COMMD1: variants seen among roughly 807,000 people sequenced by gnomAD.
The protein encoded by COMMD1 is copper metabolism domain containing 1.
In COMMD1, 10 loss-of-function variants were observed where a neutral mutation model predicts 17.2. The observed-to-expected ratio is 0.58, with a 90% confidence interval of 0.36 to 0.99. The LOEUF is 0.99. COMMD1 is among the 50% of genes least tolerant of loss of function. The pLI, the probability that COMMD1 is intolerant of heterozygous loss-of-function variation, is 0.01. For missense variants in COMMD1, 270 were observed against 231.8 expected (o/e 1.17, Z -1.07); for synonymous variants, 97 against 91.6 (o/e 1.06, Z -0.34).
rs111949212 is a variant in COMMD1 at position 61,971,687 on chromosome 2, G to A, written c.181-29014G>A. On this transcript the variant is annotated intron_variant, in intron 1 of 2. Transcript: ENST00000311832. ...GATCCTTTTGCCTTGGCCTCCCAAA[G>A]TGCTGGGATTACAGGCATGTGTCAC... Among the ~76,000 whole-genome samples, 4 of 152,216 alleles carry A rather than the reference G, an allele frequency of 2.6e-5. 1 individual carries two copies. The highest frequency in any genetic ancestry group is 9.6e-5 in the African/African-American group (4 of 41,556).
At chr2:61,950,307 CT>C (rs1192489045) in intron 1 of COMMD1, among the ~76,000 whole-genome samples, 1 of 152,222 alleles carries the variant, frequency 6.6e-6, no homozygotes, top group Non-Finnish European at 1.5e-5. Flanking sequence ...GGGAGGAAAA[CT>C]TTCCCTCCTC....
chr2:61,962,872 A>G lies in COMMD1; in HGVS notation c.181-37829A>G, dbSNP rs530787692. Among the ~76,000 whole-genome samples the G allele has an allele frequency of 7.7e-4, 117 of 152,090 alleles. 1 individual carries two copies. The highest frequency in any genetic ancestry group is 1.8e-4 in the Non-Finnish European group (12 of 68,000). On this transcript the variant is annotated intron_variant, in intron 1 of 2. Transcript: ENST00000311832. Reference sequence around the variant, plus strand: ...ATGTCCTTTTTGCTATAATCAAACTATAATTGGGCCGGGTGTGGTAGCTCA... The same window carrying G: ...ATGTCCTTTTTGCTATAATCAAACTGTAATTGGGCCGGGTGTGGTAGCTCA...
Position 61,928,647 on chromosome 2 carries a change from G to A in COMMD1, c.180+22789G>A, listed in dbSNP as rs901447847. On this transcript the variant is annotated intron_variant, in intron 1 of 2. Transcript: ENST00000311832. ...TAAGGGTGGTCAAGTGAAGCAGTGGGAATGGAGAAGGAACAAATAAATTTG... is the reference window on the plus strand; with the variant it reads ...TAAGGGTGGTCAAGTGAAGCAGTGGAAATGGAGAAGGAACAAATAAATTTG... 2.6e-5 allele frequency: 4 copies of A among 152,266 alleles called. No individual in the cohort carries two copies. In the East Asian group the frequency reaches 7.7e-4, roughly 29 times the overall value. The allele number at this position is 152,266 out of a possible 1,614,324, so 9.4% of individuals were successfully genotyped here. A position where few individuals can be genotyped will look rare whatever the true frequency, so the allele number is the denominator to read the frequency against.
rs544836507 is a variant in COMMD1 at position 62,122,726 on chromosome 2, AATATCTATCTAGCTAAATT to A, written c.463-13102_463-13084del. ...TTTGACCACATATTGGCAGGACAGG[AATATCTATCTAGCTAAATT>A]ATGGCTCTAGCTTTTTTCTAACCAA... On this transcript the variant is annotated intron_variant, in intron 2 of 2. Coordinates refer to ENST00000311832, the MANE Select transcript of COMMD1 (RefSeq NM_152516.4). Among the ~76,000 whole-genome samples, 1,345 of 152,358 alleles carry A rather than the reference AATATCTATCTAGCTAAATT, an allele frequency of 8.8e-3. 24 individuals are homozygous for A. The highest frequency in any genetic ancestry group is 0.031 in the African/African-American group (1,304 of 41,588).
chr2:62,014,022 T>A (rs765457009), intron 2 of COMMD1, among the ~76,000 whole-genome samples: 7 of 152,228 alleles, frequency 4.6e-5, no homozygotes, highest in Non-Finnish European at 8.8e-5. Context: ...AAATCATTGT[T>A]TCTTATGATG....
At chr2:62,128,966 A>T (rs907333007) in intron 2 of COMMD1, among the ~76,000 whole-genome samples, 13 of 152,072 alleles carry the variant, frequency 8.5e-5, no homozygotes, top group African/African-American at 3.1e-4. Context: ...AAAAAAAAAA[A>T]AAATCAGTAT....
At chr2:62,013,733 C>G (rs567482679) in intron 2 of COMMD1, among the ~76,000 whole-genome samples, 32 of 152,236 alleles carry the variant, frequency 2.1e-4, no homozygotes, top group Admixed American at 5.9e-4. Context: ...GGGGGTAACA[C>G]CTTGTTTTTT....
chr2:62,020,234 TCAAA>T (rs1669575593), intron 2 of COMMD1, among the ~76,000 whole-genome samples: 1 of 152,348 alleles, frequency 6.6e-6, no homozygotes, highest in African/African-American at 2.4e-5. Context: ...ACATTCTTGT[TCAAA>T]CAGAGGGAAA....
chr2:61,976,831 A>ATT (rs776935788), intron 1 of COMMD1, among the ~76,000 whole-genome samples: 4 of 144,176 alleles, frequency 2.8e-5, no homozygotes, highest in Admixed American at 6.9e-5. Context: ...GTGATGTGGG[A>ATT]TTTTTTTTTT....
chr2:62,090,916 C>T (rs1057390931), intron 2 of COMMD1: 1 of 152,214 alleles, frequency 6.6e-6, no homozygotes, highest in African/African-American at 2.4e-5. Context: ...AGTTGGACAA[C>T]GGAGTACCTT....
chr2:62,004,087 C>T (rs1222107983), intron 2 of COMMD1, among the ~76,000 whole-genome samples: 1 of 151,974 alleles, frequency 6.6e-6, no homozygotes, highest in Non-Finnish European at 1.5e-5. Flanking sequence ...AAGATCGGAT[C>T]ACTTCACTTT....
intron 2 of COMMD1, among the ~76,000 whole-genome samples, chr2:62,013,318 G>A (rs1305673786): frequency 6.6e-6 from 1 of 151,886 alleles, no homozygotes; most frequent in Non-Finnish European, 1.5e-5. Context: ...CTCTTAATAA[G>A]ATGAGGTATT....
In COMMD1 at chr2:62,056,183, A is replaced by G. The variant is rs994279727; in HGVS notation, c.462+55201A>G. ...AGTCTATGTACTGTGTCATCCATAG[A>G]GAAAGGCTAGCTAGCTGAAAAATGT... On this transcript the variant is annotated intron_variant, in intron 2 of 2. Coordinates refer to ENST00000311832, the MANE Select transcript of COMMD1 (RefSeq NM_152516.4). Among the ~76,000 whole-genome samples, 12 of 152,204 alleles carry G rather than the reference A, an allele frequency of 7.9e-5. No homozygotes were observed. The East Asian group carries it at 1.2e-3, about 15-fold the overall frequency.
upstream of COMMD1, among the ~76,000 whole-genome samples, chr2:61,901,774 T>G (rs1035781929): frequency 1.3e-5 from 2 of 152,224 alleles, no homozygotes; most frequent in African/African-American, 4.8e-5. Context: ...AGATGTACAC[T>G]ATAACTATGT....
At chr2:62,054,589 G>A (rs1457733150) in intron 2 of COMMD1, among the ~76,000 whole-genome samples, 2 of 152,196 alleles carry the variant, frequency 1.3e-5, no homozygotes, top group African/African-American at 4.8e-5. Context: ...GTCATTAAGT[G>A]AAACAAGCCA....
At chr2:62,131,577 C>G (rs1673034406) in intron 2 of COMMD1, among the ~76,000 whole-genome samples, 1 of 152,050 alleles carries the variant, frequency 6.6e-6, no homozygotes, top group South Asian at 2.1e-4. Flanking sequence ...GGGTCTTACT[C>G]TATTGCCAAG....
chr2:61,980,746 T>G (rs1283459251), intron 1 of COMMD1, among the ~76,000 whole-genome samples: 3 of 151,372 alleles, frequency 2.0e-5, no homozygotes, highest in African/African-American at 4.9e-5. Context: ...AGAAGCTCTT[T>G]AGTTTAATTA....
chr2:62,108,975 C>T (rs1171944431), intron 2 of COMMD1, among the ~76,000 whole-genome samples: 2 of 152,186 alleles, frequency 1.3e-5, no homozygotes, highest in Non-Finnish European at 2.9e-5. Flanking sequence ...GTACTCAGCA[C>T]TTCAGTCCTA....
At chr2:61,901,820 T>C (rs1355841445), upstream of COMMD1, among the ~76,000 whole-genome samples, 1 of 152,106 alleles carries the variant, frequency 6.6e-6, no homozygotes, top group Non-Finnish European at 1.5e-5. Context: ...CTACGTAGGT[T>C]GATAGATTTG....
Sources: gnomAD v4.1 joint callset for allele counts (sites outside exome capture counted in the v4.1 genomes callset) on GRCh38, gnomAD v4.1.1 for gene constraint, MANE v1.5 for transcripts, NCBI Gene and HGNC (gene_info 2026-07-23, HGNC 2026-07-21) for gene names.